The following CAMK4 variants were observed in gnomAD, a reference collection of about 807,000 sequenced individuals.
CAMK4 encodes calcium/calmodulin-dependent protein kinase type IV.
Under a neutral mutation model 44.9 loss-of-function variants are expected in CAMK4, and 22 were observed. That is an observed-to-expected ratio of 0.49 (90% CI 0.35 to 0.70). CAMK4 has a LOEUF of 0.70. Ranked by LOEUF, CAMK4 falls within the 30% of genes least tolerant of loss-of-function variation. The pLI is 0.01. For missense variants in CAMK4, 498 were observed against 586.8 expected, an observed-to-expected ratio of 0.85 and a Z score of 1.56; for synonymous variants, 218 against 215.4, an observed-to-expected ratio of 1.01 and a Z score of -0.11.
chr5:111,318,970 C>G (rs149511885), intron 1 of CAMK4, among the ~76,000 whole-genome samples: 1 of 152,210 alleles, frequency 6.6e-6, no homozygotes, highest in East Asian at 1.9e-4. Context: ...CCTCCCTTTT[C>G]TTCCTTCCCT....
chr5:111,460,265 C>CTTTTT lies in CAMK4; in HGVS notation c.625+11063_625+11067dup, dbSNP rs200566906. Among the ~76,000 whole-genome samples, 155 of 122,684 alleles carry CTTTTT rather than the reference C, an allele frequency of 1.3e-3. 22 individuals carry two copies. Among genetic ancestry groups the CTTTTT allele is most frequent in the Non-Finnish European group, 1.4e-3 (82 of 59,838 alleles). The allele number at this position is 122,684 out of a possible 152,430, so 80.5% of individuals were successfully genotyped here. A position where few individuals can be genotyped will look rare whatever the true frequency, so the allele number is the denominator to read the frequency against. ...TAATGTTTTTCTTTTCTTTTCTTTT[C>CTTTTT]TTTTTCTTTTTTTTTTTTTTGAGGC... On this transcript the variant is annotated intron_variant, in intron 7 of 10. Transcript: ENST00000282356.
intron 4 of CAMK4, among the ~76,000 whole-genome samples, chr5:111,382,136 C>T (rs1561452445): frequency 6.6e-6 from 1 of 152,114 alleles, no homozygotes; most frequent in Non-Finnish European, 1.5e-5. Flanking sequence ...ATATAGCCCA[C>T]TCAATAACTC....
Position 111,273,661 on chromosome 5 carries a change from G to C in CAMK4, c.161+49017G>C, listed in dbSNP as rs573437058. Among the ~76,000 whole-genome samples, 258 of 125,118 alleles carry C rather than the reference G, an allele frequency of 2.1e-3. 1 individual carries two copies. Among genetic ancestry groups the C allele is most frequent in the African/African-American group, 6.9e-3 (244 of 35,432 alleles). The allele number at this position is 125,118 out of a possible 152,430, so 82.1% of individuals were successfully genotyped here. A position where few individuals can be genotyped will look rare whatever the true frequency, so the allele number is the denominator to read the frequency against. On this transcript the variant is annotated intron_variant, in intron 1 of 10. Transcript: ENST00000282356. ...TTCCTCTTTGAAATGTTATCCGTCAGCTTTAAAAAATGCATTTATATATAT... is the reference window on the plus strand; with the variant it reads ...TTCCTCTTTGAAATGTTATCCGTCACCTTTAAAAAATGCATTTATATATAT...
intron 1 of CAMK4, among the ~76,000 whole-genome samples, chr5:111,245,787 G>T (rs774487371): frequency 3.9e-5 from 6 of 152,186 alleles, no homozygotes; most frequent in Non-Finnish European, 5.9e-5. Flanking sequence ...CAAATTTTCT[G>T]ATATAAACAA....
intron 2 of CAMK4, among the ~76,000 whole-genome samples, chr5:111,345,405 CA>C (rs1749824301): frequency 1.3e-5 from 2 of 151,958 alleles, no homozygotes; most frequent in Middle Eastern, 6.8e-3. Flanking sequence ...TAGTTTCTTA[CA>C]GTCATAAAAT....
intron 5 of CAMK4, among the ~76,000 whole-genome samples, chr5:111,399,172 C>T (rs563922976): frequency 6.6e-6 from 1 of 152,296 alleles, no homozygotes; most frequent in Admixed American, 6.5e-5. Flanking sequence ...ACTGACTACA[C>T]TACACTTGAG....
intron 1 of CAMK4, among the ~76,000 whole-genome samples, chr5:111,317,930 G>GAAAAAAAAAAAAAAAA (rs1748501495): frequency 7.0e-5 from 5 of 71,696 alleles, no homozygotes; most frequent in Middle Eastern, 0.01. Flanking sequence ...AAAAAAAAAG[G>GAAAAAAAAAAAAAAAA]AAAACAGGAT....
chr5:111,339,150 A>C (rs1262629863), intron 1 of CAMK4, among the ~76,000 whole-genome samples: 2 of 151,100 alleles, frequency 1.3e-5, no homozygotes, highest in African/African-American at 4.8e-5. Context: ...TGTATGGTTT[A>C]AACATATTTT....
At chr5:111,450,686 G>T (rs1357723124) in intron 7 of CAMK4, among the ~76,000 whole-genome samples, 1 of 149,974 alleles carries the variant, frequency 6.7e-6, no homozygotes, top group Admixed American at 6.7e-5. Flanking sequence ...GACTCAGGAG[G>T]CTGAGGCAGT....
intron 2 of CAMK4, among the ~76,000 whole-genome samples, chr5:111,369,972 G>A (rs1750942178): frequency 6.6e-6 from 1 of 152,078 alleles, no homozygotes; most frequent in Non-Finnish European, 1.5e-5. Flanking sequence ...CAGATATGGA[G>A]GGCTGACTGT....
At chr5:111,431,709 T>C (rs1753448168) in intron 5 of CAMK4, among the ~76,000 whole-genome samples, 1 of 152,082 alleles carries the variant, frequency 6.6e-6, no homozygotes, top group South Asian at 2.1e-4. Context: ...AAGATTTGAA[T>C]AGACATTTCT....
chr5:111,386,282 G>A (rs1336744676), intron 4 of CAMK4, among the ~76,000 whole-genome samples: 1 of 152,164 alleles, frequency 6.6e-6, no homozygotes, highest in African/African-American at 2.4e-5. Flanking sequence ...TGTACTGGCA[G>A]CCCTTAAGAC....
chr5:111,367,500 G>A (rs1453851201), intron 2 of CAMK4, among the ~76,000 whole-genome samples: 1 of 152,062 alleles, frequency 6.6e-6, no homozygotes, highest in Non-Finnish European at 1.5e-5. Context: ...ACTGTGATTG[G>A]ACAAAACTCT....
rs932235060 is a variant in CAMK4 at position 111,333,871 on chromosome 5, T to C, written c.162-10153T>C. Among the ~76,000 whole-genome samples the C allele has an allele frequency of 1.2e-4, 18 of 151,566 alleles. No individual in the cohort carries two copies. In the Admixed American group the frequency reaches 1.2e-3, roughly 10 times the overall value. On this transcript the variant is annotated intron_variant, in intron 1 of 10. Transcript: ENST00000282356. The stretch of plus-strand genomic sequence containing the variant: ...GGGTTTGTAGGTCAGGAATGATACC[T>C]GTAAGACAGTGGCTGTAGAATAAGC...
In CAMK4 at chr5:111,406,129, C is replaced by A. The variant is rs559567494; in HGVS notation, c.459+11347C>A. On this transcript the variant is annotated intron_variant, in intron 5 of 10. Transcript: ENST00000282356. ...AAGGTTTTATCTCATTCTCTTCTAT[C>A]TGGTCTAGTAGTTCCTCTGATTACC... is the stretch of plus-strand genomic sequence containing the variant. Among the ~76,000 whole-genome samples, 182 of 150,366 alleles carry A rather than the reference C, an allele frequency of 1.2e-3. 1 individual carries two copies. The highest frequency in any genetic ancestry group is 2.1e-3 in the South Asian group (10 of 4,728).
intron 4 of CAMK4, among the ~76,000 whole-genome samples, chr5:111,385,632 G>A (rs1255007018): frequency 6.6e-6 from 1 of 152,072 alleles, no homozygotes; most frequent in African/African-American, 2.4e-5. Flanking sequence ...GGAGTGCAGT[G>A]GCGTGATCTT....
intron 7 of CAMK4, among the ~76,000 whole-genome samples, chr5:111,461,286 T>G (rs972536388): frequency 2.0e-5 from 3 of 152,352 alleles, no homozygotes; most frequent in African/African-American, 7.2e-5. Context: ...TGAGATTCAC[T>G]GTAGTAAGCT....
At chr5:111,442,106 C>A (rs1753844216) in intron 5 of CAMK4, among the ~76,000 whole-genome samples, 1 of 152,148 alleles carries the variant, frequency 6.6e-6, no homozygotes, top group Admixed American at 6.6e-5. Flanking sequence ...TCCAAGATAG[C>A]AGTTTTCAAA....
In CAMK4 at chr5:111,489,829, G is replaced by A. The variant is rs1404736972; in HGVS notation, c.*5363G>A. 1 of 152,210 alleles carries A rather than the reference G, an allele frequency of 6.6e-6. No individual in the cohort carries two copies. The highest frequency in any genetic ancestry group is 1.5e-5 in the Non-Finnish European group (1 of 68,044). 9.4% of individuals were successfully genotyped at this position (152,210 alleles called of 1,614,324 possible). A position where few individuals can be genotyped will look rare whatever the true frequency, so the allele number is the denominator to read the frequency against. On this transcript the variant is annotated 3_prime_UTR_variant, in exon 11 of 11. Coordinates refer to ENST00000282356, the MANE Select transcript of CAMK4 (RefSeq NM_001744.6). Reference sequence around the variant, plus strand: ...TCCACCAGTGGGTTACTCTTTTCTTGTCTTGGTTTGCTATGCCTTATCCCA... The same window carrying A: ...TCCACCAGTGGGTTACTCTTTTCTTATCTTGGTTTGCTATGCCTTATCCCA...
Sources: gnomAD v4.1 joint callset for allele counts (sites outside exome capture counted in the v4.1 genomes callset) on GRCh38, gnomAD v4.1.1 for gene constraint, MANE v1.5 for transcripts, NCBI Gene and HGNC (gene_info 2026-07-23, HGNC 2026-07-21) for gene names.